THSD7B: variants seen among roughly 807,000 people sequenced by gnomAD.
THSD7B encodes the protein thrombospondin type-1 domain-containing protein 7B.
Under a neutral mutation model 213.6 loss-of-function variants are expected in THSD7B, and 138 were observed. The ratio of observed to expected loss-of-function variants is 0.65; its 90% CI spans 0.56 to 0.74. The LOEUF is 0.74. THSD7B is among the 30% of genes least tolerant of loss of function. The pLI, the probability that THSD7B is intolerant of heterozygous loss-of-function variation, is 0.00. For synonymous variants in THSD7B, 742 were observed against 687.0 expected, an observed-to-expected ratio of 1.08 and a Z score of -1.25; for missense variants, 1,931 against 1,991.5, an observed-to-expected ratio of 0.97 and a Z score of 0.58.
Position 137,603,712 on chromosome 2 carries a change from C to G in THSD7B, c.3424-12463C>G, listed in dbSNP as rs1285358685. On this transcript the variant is annotated intron_variant, in intron 17 of 27. Transcript: ENST00000409968. ...CTTTGGCATGTTGCTGATATTCTTT[C>G]AAGCTCAGTTTACTGATCTATAAAA... 2.0e-5 allele frequency among the ~76,000 whole-genome samples: 3 copies of G among 152,336 alleles called. No individual in the cohort carries two copies. The East Asian group carries it at 5.8e-4, about 29-fold the overall frequency.
chr2:137,304,861 A>C (rs1161859651), intron 12 of THSD7B, among the ~76,000 whole-genome samples: 2 of 152,108 alleles, frequency 1.3e-5, no homozygotes, highest in Non-Finnish European at 1.5e-5. Flanking sequence ...AATATTCATA[A>C]TATTTCTAAG....
chr2:137,494,061 T>G (rs1170927406), intron 15 of THSD7B, among the ~76,000 whole-genome samples: 1 of 152,208 alleles, frequency 6.6e-6, no homozygotes, highest in African/African-American at 2.4e-5. Context: ...TCTTCCTGCC[T>G]CTTGATTAAC....
chr2:137,348,520 A>G (rs1417441069), intron 12 of THSD7B, among the ~76,000 whole-genome samples: 2 of 151,648 alleles, frequency 1.3e-5, no homozygotes, highest in Admixed American at 6.6e-5. Flanking sequence ...GCACCAGCCC[A>G]TGCTTTATGA....
intron 2 of THSD7B, among the ~76,000 whole-genome samples, chr2:136,892,264 G>T (rs749553175): frequency 6.6e-6 from 1 of 152,126 alleles, no homozygotes; most frequent in Non-Finnish European, 1.5e-5. Context: ...GATGGGAGGA[G>T]TGGCAAATAA....
chr2:137,238,534 CTTTTTTTTTT>C (rs869146863), intron 9 of THSD7B, among the ~76,000 whole-genome samples: 21 of 51,870 alleles, frequency 4.0e-4, no homozygotes, highest in South Asian at 2.5e-3. Context: ...ACTCATCTTT[CTTTTTTTTTT>C]TTTTTTTTTT....
At chr2:137,365,108 T>TTTG (rs1244638114) in intron 12 of THSD7B, among the ~76,000 whole-genome samples, 1 of 152,190 alleles carries the variant, frequency 6.6e-6, no homozygotes. Context: ...CCATATGATC[T>TTTG]TTGACAAACA....
chr2:136,788,296 T>C (rs1293688384), intron 1 of THSD7B, among the ~76,000 whole-genome samples: 2 of 152,194 alleles, frequency 1.3e-5, no homozygotes, highest in African/African-American at 2.4e-5. Context: ...CTTCTTCCAA[T>C]TGGAGTATGG....
At chr2:137,321,315 T>C (rs1171502740) in intron 12 of THSD7B, among the ~76,000 whole-genome samples, 1 of 152,210 alleles carries the variant, frequency 6.6e-6, no homozygotes, top group Non-Finnish European at 1.5e-5. Flanking sequence ...AAGTGGATAA[T>C]TCATTTATTA....
chr2:137,546,442 TATTATATATATATTATATATAATA>T (rs1680729133), intron 15 of THSD7B, among the ~76,000 whole-genome samples: 1 of 31,536 alleles, frequency 3.2e-5, no homozygotes, highest in African/African-American at 2.0e-4. Context: ...ATATTATATA[TATTATATATATATTATATATAATA>T]TATATATATA....
intron 15 of THSD7B, among the ~76,000 whole-genome samples, chr2:137,458,830 C>T (rs922095380): frequency 6.6e-6 from 1 of 152,130 alleles, no homozygotes; most frequent in African/African-American, 2.4e-5. Flanking sequence ...GGTGCACTGT[C>T]TCCATAAACT....
intron 2 of THSD7B, among the ~76,000 whole-genome samples, chr2:136,931,529 A>G (rs1325627269): frequency 6.6e-6 from 1 of 152,044 alleles, no homozygotes; most frequent in Non-Finnish European, 1.5e-5. Flanking sequence ...TCTTTCCCTC[A>G]TGCTGGGAGG....
intron 12 of THSD7B, among the ~76,000 whole-genome samples, chr2:137,284,366 A>AT (rs1311957153): frequency 4.6e-5 from 7 of 151,932 alleles, no homozygotes; most frequent in African/African-American, 7.2e-5. Flanking sequence ...GGATTCATTG[A>AT]TTTTTTGAAG....
intron 15 of THSD7B, among the ~76,000 whole-genome samples, chr2:137,546,350 C>CATAT (rs200045446): frequency 1.6e-5 from 1 of 61,382 alleles, no homozygotes; most frequent in Non-Finnish European, 3.0e-5. Context: ...TTGAAGTCAG[C>CATAT]ATATATATAT....
At chr2:137,527,380 G>A (rs1189065442) in intron 15 of THSD7B, among the ~76,000 whole-genome samples, 2 of 151,968 alleles carry the variant, frequency 1.3e-5, no homozygotes, top group East Asian at 3.9e-4. Context: ...TTTGTCCAGA[G>A]GTGTGTCCTA....
intron 15 of THSD7B, among the ~76,000 whole-genome samples, chr2:137,533,032 A>C (rs1680429331): frequency 6.6e-6 from 1 of 150,980 alleles, no homozygotes; most frequent in East Asian, 1.9e-4. Context: ...GATATGTAAT[A>C]GGTAATATTA....
intron 2 of THSD7B, among the ~76,000 whole-genome samples, chr2:136,971,854 A>G (rs560107236): frequency 6.6e-6 from 1 of 152,242 alleles, no homozygotes; most frequent in Admixed American, 6.5e-5. Flanking sequence ...AGCTACAGCC[A>G]TGGTACTGGC....
chr2:137,563,486 G>C, intron 16 of THSD7B, 132 bp downstream of exon 16: 2 of 1,228,174 alleles, frequency 1.6e-6, no homozygotes, highest in Admixed American at 5.1e-5. Flanking sequence ...TCTCATCTTT[G>C]AAATATTCAT....
At chr2:136,796,699 A>G (rs1468815274) in intron 1 of THSD7B, among the ~76,000 whole-genome samples, 1 of 151,884 alleles carries the variant, frequency 6.6e-6, no homozygotes, top group Non-Finnish European at 1.5e-5. Context: ...GAGTTCCTCT[A>G]AAGTCAATAT....
chr2:137,028,632 G>T (rs1357370232), intron 2 of THSD7B, among the ~76,000 whole-genome samples: 1 of 152,220 alleles, frequency 6.6e-6, no homozygotes, highest in Non-Finnish European at 1.5e-5. Flanking sequence ...TAATAGTCTA[G>T]AAGGTATATA....
Sources: gnomAD v4.1 joint callset for allele counts (sites outside exome capture counted in the v4.1 genomes callset) on GRCh38, gnomAD v4.1.1 for gene constraint, MANE v1.5 for transcripts, NCBI Gene and HGNC (gene_info 2026-07-23, HGNC 2026-07-21) for gene names.